RBFOX1: variants seen among roughly 807,000 people sequenced by gnomAD.
The protein encoded by RBFOX1 is RNA binding fox-1 homolog 1, also known as RNA binding protein fox-1 homolog 1.
In RBFOX1, 8 loss-of-function variants were observed where a neutral mutation model predicts 57.7. The observed-to-expected ratio is 0.14, with a 90% CI of 0.08 to 0.25. The LOEUF (loss-of-function observed/expected upper bound fraction) is 0.25, where lower values mean the gene tolerates loss of function less well. RBFOX1 is among the 10% of genes least tolerant of loss of function. The pLI is 1.00. For missense variants in RBFOX1, 611 were observed against 548.5 expected, an observed-to-expected ratio of 1.11 and a Z score of -1.14; for synonymous variants, 326 against 222.4, an observed-to-expected ratio of 1.47 and a Z score of -4.15.
At chr16:6,980,781 G>T (rs1050718712) in intron 3 of RBFOX1, among the ~76,000 whole-genome samples, 1 of 152,118 alleles carries the variant, frequency 6.6e-6, no homozygotes, top group African/African-American at 2.4e-5. Flanking sequence ...AGTAGCTCAT[G>T]CCTGTAATCC....
intron 4 of RBFOX1, among the ~76,000 whole-genome samples, chr16:7,103,612 CTCT>C (rs1486150668): frequency 6.6e-6 from 1 of 152,158 alleles, no homozygotes; most frequent in Non-Finnish European, 1.5e-5. Flanking sequence ...TGAATGATTT[CTCT>C]TCTTCACCTC....
intron 4 of RBFOX1, among the ~76,000 whole-genome samples, chr16:5,908,095 T>TATATATATATATATATACACAC (rs1567133450): frequency 2.1e-5 from 3 of 139,888 alleles, no homozygotes; most frequent in African/African-American, 9.0e-5. Flanking sequence ...TACACATATA[T>TATATATATATATATATACACAC]ACACATATAT....
chr16:7,697,958 G>C (rs77454169), intron 14 of RBFOX1, among the ~76,000 whole-genome samples: 2 of 152,196 alleles, frequency 1.3e-5, no homozygotes, highest in African/African-American at 2.4e-5. Flanking sequence ...AGTTCCGTGT[G>C]CTGGGAGTAC....
chr16:6,608,237 G>C (rs968058906), intron 2 of RBFOX1, among the ~76,000 whole-genome samples: 5 of 152,098 alleles, frequency 3.3e-5, no homozygotes, highest in Non-Finnish European at 7.3e-5. Flanking sequence ...GCATTGGTTT[G>C]TGTTATAATC....
At chr16:5,817,699 A>AT (rs36037789) in intron 3 of RBFOX1, among the ~76,000 whole-genome samples, 1,855 of 141,318 alleles carry the variant, frequency 0.013, 45 homozygotes, top group African/African-American at 0.042. Context: ...TGTGGGCTGT[A>AT]TTTTTTTTTT....
At chr16:6,856,286 A>C (rs1054747406) in intron 3 of RBFOX1, among the ~76,000 whole-genome samples, 9 of 152,110 alleles carry the variant, frequency 5.9e-5, no homozygotes, top group African/African-American at 1.9e-4. Flanking sequence ...TTTATTGTTG[A>C]GTATGATGAT....
intron 4 of RBFOX1, among the ~76,000 whole-genome samples, chr16:7,419,593 C>T (rs2098519498): frequency 6.6e-6 from 1 of 152,246 alleles, no homozygotes; most frequent in South Asian, 2.1e-4. Context: ...GCCTAATTAG[C>T]TGTTGATAAC....
At chr16:6,485,285 G>A (rs2095452109) in intron 2 of RBFOX1, among the ~76,000 whole-genome samples, 1 of 152,162 alleles carries the variant, frequency 6.6e-6, no homozygotes, top group East Asian at 1.9e-4. Context: ...TATGAAGAGG[G>A]AATTGTTAAT....
intron 2 of RBFOX1, among the ~76,000 whole-genome samples, chr16:6,510,535 A>C (rs1169639681): frequency 1.3e-5 from 2 of 152,152 alleles, no homozygotes; most frequent in Non-Finnish European, 2.9e-5. Context: ...TCATTTGTTC[A>C]CTGACTACCC....
chr16:6,592,657 T>A (rs2097727824), intron 2 of RBFOX1, among the ~76,000 whole-genome samples: 2 of 152,190 alleles, frequency 1.3e-5, no homozygotes. Flanking sequence ...TAATGGAATT[T>A]GCTATCTGTT....
At chr16:6,890,399 G>T (rs967854728) in intron 3 of RBFOX1, among the ~76,000 whole-genome samples, 1 of 152,184 alleles carries the variant, frequency 6.6e-6, no homozygotes, top group Non-Finnish European at 1.5e-5. Flanking sequence ...GGCACCTGTA[G>T]TCCCAGCCAC....
At chr16:5,593,600 C>T (rs188900345) in intron 2 of RBFOX1, among the ~76,000 whole-genome samples, 1 of 152,184 alleles carries the variant, frequency 6.6e-6, no homozygotes, top group Non-Finnish European at 1.5e-5. Flanking sequence ...CTCACTGCTA[C>T]ACTCCCACCA....
intron 4 of RBFOX1, among the ~76,000 whole-genome samples, chr16:7,331,170 G>C (rs1568244608): frequency 6.6e-6 from 1 of 152,146 alleles, no homozygotes; most frequent in Non-Finnish European, 1.5e-5. Context: ...ACTAAAATTA[G>C]TGTAGTGTAA....
intron 4 of RBFOX1, among the ~76,000 whole-genome samples, chr16:7,282,303 A>G (rs541319537): frequency 1.3e-5 from 2 of 152,320 alleles, no homozygotes; most frequent in South Asian, 4.1e-4. Flanking sequence ...TTATTCCTGG[A>G]TGCCACAGTT....
intron 3 of RBFOX1, among the ~76,000 whole-genome samples, chr16:6,702,326 G>A (rs2061979809): frequency 1.3e-5 from 2 of 152,158 alleles, no homozygotes; most frequent in Admixed American, 1.3e-4. Context: ...GGCCGAGGCA[G>A]GCAGATTACC....
At chr16:5,761,101 A>C (rs2053575849) in intron 3 of RBFOX1, among the ~76,000 whole-genome samples, 1 of 152,218 alleles carries the variant, frequency 6.6e-6, no homozygotes, top group Non-Finnish European at 1.5e-5. Flanking sequence ...CTAATGCAAG[A>C]GTTAGGTCAC....
chr16:6,965,379 G>C (rs1795162225), intron 3 of RBFOX1, among the ~76,000 whole-genome samples: 2 of 151,394 alleles, frequency 1.3e-5, no homozygotes, highest in Non-Finnish European at 2.9e-5. Flanking sequence ...GTCTTGGTCT[G>C]TTTCCCAGGC....
intron 3 of RBFOX1, among the ~76,000 whole-genome samples, chr16:6,771,458 G>C (rs1335672139): frequency 6.6e-6 from 1 of 152,114 alleles, no homozygotes; most frequent in African/African-American, 2.4e-5. Context: ...TCTTAGATAT[G>C]ATCCAGATAG....
At chr16:6,122,792 A>ATGTG (rs1377137384) in intron 1 of RBFOX1, among the ~76,000 whole-genome samples, 5 of 101,524 alleles carry the variant, frequency 4.9e-5, no homozygotes, top group African/African-American at 4.5e-5. Context: ...CTGTGTGGCT[A>ATGTG]TGTGTGTGTA....
Sources: gnomAD v4.1 joint callset for allele counts (sites outside exome capture counted in the v4.1 genomes callset) on GRCh38, gnomAD v4.1.1 for gene constraint, MANE v1.5 for transcripts, NCBI Gene and HGNC (gene_info 2026-07-23, HGNC 2026-07-21) for gene names.